Variants in ERFE observed in about 807,000 individuals in gnomAD.
The protein encoded by ERFE is complement C1q tumor necrosis factor-related protein 15.
A neutral mutation model predicts 26.6 loss-of-function variants in ERFE; 25 were observed. The ratio of observed to expected loss-of-function variants is 0.94; its 90% CI spans 0.69 to 1.31. The LOEUF (loss-of-function observed/expected upper bound fraction) is 1.31. Among genes scored for constraint, ERFE ranks in the 40% most tolerant of loss-of-function variants. The probability of loss-of-function intolerance (pLI) is 0.00; values close to 1 mark genes in which losing one functional copy is unlikely to be tolerated. For missense variants in ERFE, 447 were observed against 440.2 expected, an observed-to-expected ratio of 1.02 and a Z score of -0.14; for synonymous variants, 206 against 204.5, an observed-to-expected ratio of 1.01 and a Z score of -0.06.
intron 3 of ERFE, 24 bp downstream of exon 3, chr2:238,162,862 C>A: frequency 1.3e-6 from 2 of 1,517,190 alleles, no homozygotes; most frequent in Non-Finnish European, 1.8e-6. Context: ...CCGGCTGGGA[C>A]ACACACACCC....
At chr2:238,162,660 G>C in intron 2 of ERFE, 76 bp from the exon 3 acceptor site, 1 of 951,190 alleles carries the variant, frequency 1.1e-6, no homozygotes, top group Non-Finnish European at 1.7e-6. Context: ...CCTCTTAGTG[G>C]CAAGAGCTTG....
At chr2:238,160,652 G>A (rs976268870) in intron 1 of ERFE, among the ~76,000 whole-genome samples, 21 of 152,170 alleles carry the variant, frequency 1.4e-4, no homozygotes, top group African/African-American at 4.8e-4. Context: ...GCATTGGTCA[G>A]CCAGCTCCCA....
At chr2:238,159,894 C>A (rs1411840840) in intron 1 of ERFE, among the ~76,000 whole-genome samples, 1 of 152,160 alleles carries the variant, frequency 6.6e-6, no homozygotes, top group Non-Finnish European at 1.5e-5. Context: ...GGTGGGCGGC[C>A]GGTGCTGTTT....
intron 6 of ERFE, 149 bp downstream of exon 6, chr2:238,164,509 C>A: frequency 1.4e-6 from 1 of 713,600 alleles, no homozygotes. Context: ...GTCTCCCGGT[C>A]TACTTCTGCC....
At position 238,168,486 on chromosome 2, in the gene ERFE, A is replaced by C. The variant is rs1317318169; in HGVS notation, c.*1432A>C. Reference sequence around the variant, plus strand: ...AGTCACCTTCACCTTCTAACTAACTAGCCTCCGGATGAGGTGGCTGCCACC... The same window carrying C: ...AGTCACCTTCACCTTCTAACTAACTCGCCTCCGGATGAGGTGGCTGCCACC... On this transcript the variant is annotated 3_prime_UTR_variant, in exon 8 of 8. Coordinates refer to ENST00000546354, the MANE Select transcript of ERFE (RefSeq NM_001291832.2). The C allele has an allele frequency of 4.3e-6, 2 of 470,446 alleles. No individual in the cohort carries two copies. The allele number at this position is 470,446 out of a possible 1,614,324, so 29.1% of individuals were successfully genotyped here.
intron 1 of ERFE, among the ~76,000 whole-genome samples, chr2:238,160,360 C>A (rs1692919794): frequency 6.6e-6 from 1 of 152,208 alleles, no homozygotes; most frequent in Non-Finnish European, 1.5e-5. Context: ...GGTCCGGCCA[C>A]AGGCCACAGG....
At chr2:238,166,548 C>T (rs921607733) in intron 7 of ERFE, among the ~76,000 whole-genome samples, 1 of 152,208 alleles carries the variant, frequency 6.6e-6, no homozygotes, top group Non-Finnish European at 1.5e-5. Context: ...TGCATGACCA[C>T]GTTTGGAGCA....
intron 1 of ERFE, among the ~76,000 whole-genome samples, chr2:238,161,137 G>C (rs1692931970): frequency 6.6e-6 from 1 of 152,226 alleles, no homozygotes; most frequent in Non-Finnish European, 1.5e-5. Context: ...AGGATGGACA[G>C]AGGAGGGTTG....
At chr2:238,165,461 G>A (rs1693019390) in intron 6 of ERFE, 145 bp from the exon 7 acceptor site, 6 of 662,578 alleles carry the variant, frequency 9.1e-6, no homozygotes, top group Non-Finnish European at 1.6e-5. Context: ...TGGGGACTCG[G>A]TTCAGACACC....
At chr2:238,166,574 T>C (rs1693038708) in intron 7 of ERFE, among the ~76,000 whole-genome samples, 1 of 152,228 alleles carries the variant, frequency 6.6e-6, no homozygotes, top group Non-Finnish European at 1.5e-5. Flanking sequence ...GCTAGAGTGC[T>C]GGTTTCACGG....
chr2:238,159,769 A>C (rs1692910766), intron 1 of ERFE, among the ~76,000 whole-genome samples: 1 of 152,082 alleles, frequency 6.6e-6, no homozygotes, highest in East Asian at 1.9e-4. Context: ...TGCTGAGCAG[A>C]GGGTGGTCCG....
Position 238,167,978 on chromosome 2 carries a change from G to A in ERFE, c.*924G>A, listed in dbSNP as rs1237722086. On this transcript the variant is annotated 3_prime_UTR_variant, in exon 8 of 8. Coordinates refer to ENST00000546354, the MANE Select transcript of ERFE (RefSeq NM_001291832.2). The stretch of plus-strand genomic sequence containing the variant: ...ACCCATCATCCGAATAGCTGAAGCA[G>A]AGTCTTCCACCAGGGGTGCCAGGGC... 1 of 188,668 alleles carries A rather than the reference G, an allele frequency of 5.3e-6. No homozygotes were observed. The highest frequency in any genetic ancestry group is 1.4e-4 in the East Asian group (1 of 7,320). The allele number at this position is 188,668 out of a possible 1,614,324, so 11.7% of individuals were successfully genotyped here.
chr2:238,165,270 C>T (rs1212441919), intron 6 of ERFE, among the ~76,000 whole-genome samples: 1 of 152,230 alleles, frequency 6.6e-6, no homozygotes, highest in Non-Finnish European at 1.5e-5. Flanking sequence ...GCCTTTGAAC[C>T]CCCAGAGTGT....
In ERFE at chr2:238,163,725, G is replaced by C; in HGVS notation, c.425-12G>C. ...GGTCCCTGGCGCGCGGCCACCGCTCGCTCTGTGCCAGGTGCGGTGCGGCAG... is the reference window on the plus strand; with the variant it reads ...GGTCCCTGGCGCGCGGCCACCGCTCCCTCTGTGCCAGGTGCGGTGCGGCAG... On this transcript the variant is annotated splice_polypyrimidine_tract_variant and intron_variant, in intron 3 of 7. Transcript: ENST00000546354. The C allele has an allele frequency of 7.7e-7, 1 of 1,296,618 alleles. No homozygotes were observed. The highest frequency in any genetic ancestry group is 2.4e-5 in the South Asian group (1 of 42,078). 80.3% of individuals were successfully genotyped at this position (1,296,618 alleles called of 1,614,324 possible). A position where few individuals can be genotyped will look rare whatever the true frequency, so the allele number is the denominator to read the frequency against.
At chr2:238,165,804 T>C in intron 7 of ERFE, 120 bp downstream of exon 7, 1 of 895,388 alleles carries the variant, frequency 1.1e-6, no homozygotes, top group Non-Finnish European at 1.7e-6. Flanking sequence ...ACCCTCAGAC[T>C]CCAGGCCTGG....
chr2:238,163,959 TG>T lies in ERFE; in HGVS notation c.649del (p.Glu217SerfsTer26). On this transcript the variant is annotated frameshift_variant, in exon 4 of 8. Transcript: ENST00000546354. LOFTEE classifies it high-confidence loss of function. ...FLCRLRRDAL[V>X]ERRALHELGV... ...TGCCGCCTGCGCCGGGACGCGTTGG[TG>T]GAGCGGCGCGCGCTGCACGAGCTTG... 7.2e-7 allele frequency: 1 copy of T among 1,380,974 alleles called. No individual in the cohort carries two copies. The allele number at this position is 1,380,974 out of a possible 1,614,324, so 85.5% of individuals were successfully genotyped here.
At chr2:238,161,523 TGCA>T (rs1699683932) in intron 1 of ERFE, 68 bp from the exon 2 acceptor site, 2 of 1,459,506 alleles carry the variant, frequency 1.4e-6, no homozygotes, top group Admixed American at 4.5e-5. Flanking sequence ...AGTCACCTCC[TGCA>T]AAGTGTCCCA....
Position 238,165,582 on chromosome 2 carries a change from ACCCT to A in ERFE, c.888-18_888-15del. On this transcript the variant is annotated intron_variant, in intron 6 of 7. Transcript: ENST00000546354. ...TGGTGGGGTCTCATGGGGCAGGCTG[ACCCT>A]CCCTCTGTTTTGGGTACAGCTCCCT... 4.6e-6 allele frequency: 7 copies of A among 1,533,722 alleles called. No homozygotes were observed. The highest frequency in any genetic ancestry group is 5.3e-6 in the Non-Finnish European group (6 of 1,133,294).
At chr2:238,164,723 T>C (rs963413462) in intron 6 of ERFE, 30 of 256,050 alleles carry the variant, frequency 1.2e-4, no homozygotes, top group Admixed American at 6.1e-4. Context: ...GCGTGGTGGG[T>C]GCCTGTAATC....
Sources: gnomAD v4.1 joint callset for allele counts (sites outside exome capture counted in the v4.1 genomes callset) on GRCh38, gnomAD v4.1.1 for gene constraint, MANE v1.5 for transcripts, NCBI Gene and HGNC (gene_info 2026-07-23, HGNC 2026-07-21) for gene names.